The following CAMTA1 variants were observed in gnomAD, a reference collection of about 807,000 sequenced individuals.
The protein encoded by CAMTA1 is calmodulin-binding transcription activator 1.
In CAMTA1, 27 loss-of-function variants were observed where a neutral mutation model predicts 170.9. The ratio of observed to expected loss-of-function variants is 0.16; its 90% CI spans 0.12 to 0.22. The LOEUF (loss-of-function observed/expected upper bound fraction) is 0.22, where lower values mean the gene tolerates loss of function less well. CAMTA1 is among the 10% of genes least tolerant of loss of function. The pLI, the probability that CAMTA1 is intolerant of heterozygous loss-of-function variation, is 1.00. For missense variants in CAMTA1, 1,619 were observed against 2,217.2 expected, an observed-to-expected ratio of 0.73 and a Z score of 5.42; for synonymous variants, 833 against 891.5, an observed-to-expected ratio of 0.93 and a Z score of 1.17.
At chr1:6,969,083 A>G (rs1344250569) in intron 3 of CAMTA1, among the ~76,000 whole-genome samples, 1 of 152,176 alleles carries the variant, frequency 6.6e-6, no homozygotes, top group Non-Finnish European at 1.5e-5. Flanking sequence ...GTGGACCAGA[A>G]GAGGTCAAGA....
chr1:6,949,464 C>T (rs1417614835), intron 3 of CAMTA1, among the ~76,000 whole-genome samples: 1 of 152,226 alleles, frequency 6.6e-6, no homozygotes, highest in Non-Finnish European at 1.5e-5. Flanking sequence ...TGTGACTTTC[C>T]TTTCCTCTTC....
rs556032890 is a variant in CAMTA1 at position 7,229,028 on chromosome 1, C to T, written c.303-20463C>T. Among the ~76,000 whole-genome samples the T allele has an allele frequency of 4.6e-5, 7 of 152,190 alleles. No individual in the cohort carries two copies. The East Asian group carries it at 1.4e-3, about 30-fold the overall frequency. On this transcript the variant is annotated intron_variant, in intron 4 of 22. Coordinates refer to ENST00000303635, the MANE Select transcript of CAMTA1 (RefSeq NM_015215.4). Reference sequence around the variant, plus strand: ...TTCACAGCAGTACAGAAAGTGTGTGCGTCAGGACAGGCATCTCCCTGGAGC... The same window carrying T: ...TTCACAGCAGTACAGAAAGTGTGTGTGTCAGGACAGGCATCTCCCTGGAGC...
intron 3 of CAMTA1, among the ~76,000 whole-genome samples, chr1:6,917,572 G>A (rs76330171): frequency 0.032 from 4,890 of 151,832 alleles, 123 homozygotes; most frequent in Non-Finnish European, 0.047. Context: ...TGGGGGGAAG[G>A]GAGGCGTTAA....
chr1:6,974,408 A>G (rs1179409816), intron 3 of CAMTA1, among the ~76,000 whole-genome samples: 1 of 152,250 alleles, frequency 6.6e-6, no homozygotes, highest in Non-Finnish European at 1.5e-5. Flanking sequence ...GATTTAATGT[A>G]AAATAAACTC....
intron 3 of CAMTA1, among the ~76,000 whole-genome samples, chr1:7,054,387 C>T (rs141158057): frequency 1.3e-5 from 2 of 152,382 alleles, no homozygotes; most frequent in East Asian, 3.9e-4. Flanking sequence ...TGAATTCAGG[C>T]TTCATTCCTG....
chr1:6,830,949 G>A (rs1255291542), intron 3 of CAMTA1, among the ~76,000 whole-genome samples: 1 of 152,030 alleles, frequency 6.6e-6, no homozygotes, highest in Non-Finnish European at 1.5e-5. Flanking sequence ...CTCCTGAGTA[G>A]CTGGGACTAC....
chr1:7,188,168 C>T (rs1653808733), intron 4 of CAMTA1, among the ~76,000 whole-genome samples: 2 of 152,130 alleles, frequency 1.3e-5, no homozygotes, highest in Non-Finnish European at 2.9e-5. Context: ...GGAACTGCCC[C>T]CATGATCCAA....
rs955703480 is a variant in CAMTA1 at position 7,031,307 on chromosome 1, A to G, written c.235-59997A>G. Among the ~76,000 whole-genome samples, 146 of 152,182 alleles carry G rather than the reference A, an allele frequency of 9.6e-4. 4 individuals carry two copies. The highest frequency in any genetic ancestry group is 9.5e-3 in the Admixed American group (145 of 15,278). ...GTCCTCATGACTAATTAACTTCTCT[A>G]TAATTAACTTCTCTATTATGAAATG... On this transcript the variant is annotated intron_variant, in intron 3 of 22. Coordinates refer to ENST00000303635, the MANE Select transcript of CAMTA1 (RefSeq NM_015215.4).
chr1:7,057,262 C>T (rs906716497), intron 3 of CAMTA1, among the ~76,000 whole-genome samples: 2 of 152,190 alleles, frequency 1.3e-5, no homozygotes, highest in African/African-American at 2.4e-5. Context: ...ATGTGCGCGG[C>T]GAGCTCCCGT....
chr1:7,539,259 T>TG (rs1272868228), intron 6 of CAMTA1, among the ~76,000 whole-genome samples: 2 of 152,222 alleles, frequency 1.3e-5, no homozygotes, highest in Admixed American at 6.5e-5. Context: ...GCCACAGCCT[T>TG]GGGGGACAGG....
chr1:6,792,274 A>G (rs1367953023), intron 1 of CAMTA1, among the ~76,000 whole-genome samples: 2 of 151,694 alleles, frequency 1.3e-5, no homozygotes, highest in African/African-American at 2.4e-5. Context: ...GTTTCCTTGT[A>G]TAAATTGACA....
At chr1:7,629,321 A>G (rs1390151225) in intron 6 of CAMTA1, among the ~76,000 whole-genome samples, 1 of 152,228 alleles carries the variant, frequency 6.6e-6, no homozygotes, top group African/African-American at 2.4e-5. Flanking sequence ...GGTGTCTCCT[A>G]GATTTTGTGG....
intron 3 of CAMTA1, among the ~76,000 whole-genome samples, chr1:6,983,908 T>C (rs1406025814): frequency 7.5e-6 from 1 of 133,486 alleles, no homozygotes; most frequent in Non-Finnish European, 1.6e-5. Flanking sequence ...GGATTGATGA[T>C]TGGGTGGGTG....
At chr1:7,209,514 G>A (rs1386296824) in intron 4 of CAMTA1, among the ~76,000 whole-genome samples, 1 of 152,188 alleles carries the variant, frequency 6.6e-6, no homozygotes, top group Non-Finnish European at 1.5e-5. Flanking sequence ...GGAGGCAGCT[G>A]TCAGGTCTGT....
chr1:7,637,183 G>A (rs535318451), intron 6 of CAMTA1, among the ~76,000 whole-genome samples: 9 of 152,348 alleles, frequency 5.9e-5, no homozygotes, highest in East Asian at 1.9e-4. Context: ...CTGCCTGCCC[G>A]CCACCTTGGC....
intron 3 of CAMTA1, among the ~76,000 whole-genome samples, chr1:7,005,855 C>T (rs1698929960): frequency 6.6e-6 from 1 of 152,330 alleles, no homozygotes; most frequent in South Asian, 2.1e-4. Flanking sequence ...CACTGAAACA[C>T]ATACAGCCAT....
chr1:7,268,364 T>C (rs904071977), intron 5 of CAMTA1, among the ~76,000 whole-genome samples: 1 of 152,180 alleles, frequency 6.6e-6, no homozygotes, highest in African/African-American at 2.4e-5. Flanking sequence ...TGAAACTGTA[T>C]GAGGTTGGTC....
intron 3 of CAMTA1, among the ~76,000 whole-genome samples, chr1:6,954,990 C>T (rs115960211): frequency 1.3e-3 from 194 of 152,250 alleles, no homozygotes; most frequent in African/African-American, 4.5e-3. Flanking sequence ...TATTCTCCTC[C>T]GTTAGAAGAG....
Position 7,147,649 on chromosome 1 carries a change from C to T in CAMTA1, c.302+56278C>T, listed in dbSNP as rs141776034. The stretch of plus-strand genomic sequence containing the variant: ...CACTCAAACATACACCACAAATACA[C>T]ATACTCAAATATGCACCATGCACAC... On this transcript the variant is annotated intron_variant, in intron 4 of 22. Coordinates refer to ENST00000303635, the MANE Select transcript of CAMTA1 (RefSeq NM_015215.4). 8.5e-3 allele frequency among the ~76,000 whole-genome samples: 1,290 copies of T among 151,458 alleles called. 8 individuals are homozygous for T. The highest frequency in any genetic ancestry group is 0.029 in the African/African-American group (1,211 of 41,292).
Sources: gnomAD v4.1 joint callset for allele counts (sites outside exome capture counted in the v4.1 genomes callset) on GRCh38, gnomAD v4.1.1 for gene constraint, MANE v1.5 for transcripts, NCBI Gene and HGNC (gene_info 2026-07-23, HGNC 2026-07-21) for gene names.